DDX10: variants seen among roughly 807,000 people sequenced by gnomAD.
DDX10 encodes the protein probable ATP-dependent RNA helicase DDX10.
Under a neutral mutation model 104.3 loss-of-function variants are expected in DDX10, and 74 were observed. That is an observed-to-expected ratio of 0.71 (90% CI 0.59 to 0.86). DDX10 has a LOEUF of 0.86. DDX10 is among the 40% of genes least tolerant of loss of function. The pLI is 0.00. For missense variants in DDX10, 952 were observed against 1,040.0 expected (o/e 0.92, Z 1.16); for synonymous variants, 351 against 353.4 (o/e 0.99, Z 0.08).
intron 16 of DDX10, among the ~76,000 whole-genome samples, chr11:108,867,922 A>G (rs750234769): frequency 6.6e-6 from 1 of 152,150 alleles, no homozygotes; most frequent in Non-Finnish European, 1.5e-5. Flanking sequence ...ACATCAAGGA[A>G]ATAATAACTT....
At chr11:108,910,773 G>GTC (rs1213475745) in intron 16 of DDX10, among the ~76,000 whole-genome samples, 25 of 134,880 alleles carry the variant, frequency 1.9e-4, no homozygotes, top group Middle Eastern at 3.6e-3. Flanking sequence ...GTGTGTGTGT[G>GTC]TGTGTGTGTG....
At chr11:108,790,171 C>T (rs1861851052) in intron 13 of DDX10, among the ~76,000 whole-genome samples, 2 of 152,102 alleles carry the variant, frequency 1.3e-5, no homozygotes, top group African/African-American at 4.8e-5. Context: ...CATAGATGTC[C>T]GCCCTACTCC....
At chr11:108,801,127 T>C (rs1316018505) in intron 13 of DDX10, among the ~76,000 whole-genome samples, 1 of 152,278 alleles carries the variant, frequency 6.6e-6, no homozygotes, top group East Asian at 1.9e-4. Flanking sequence ...TGCTTTGGAG[T>C]GTTAGAATGG....
chr11:108,798,366 A>G (rs570918737), intron 13 of DDX10, among the ~76,000 whole-genome samples: 10 of 152,352 alleles, frequency 6.6e-5, no homozygotes, highest in Middle Eastern at 3.4e-3. Flanking sequence ...ATATATTCAT[A>G]TTGTTGTACA....
chr11:108,750,964 T>TTA (rs1555021557), intron 13 of DDX10, among the ~76,000 whole-genome samples: 33 of 100,986 alleles, frequency 3.3e-4, no homozygotes, highest in African/African-American at 1.2e-3. Context: ...TTTTTTTTTT[T>TTA]AGAGATGGGC....
chr11:108,921,557 G>C (rs1268070632), intron 17 of DDX10: 1 of 152,192 alleles, frequency 6.6e-6, no homozygotes, highest in East Asian at 1.9e-4. Context: ...TAGTACTCCA[G>C]CCTCTTGGAC....
intron 1 of DDX10, among the ~76,000 whole-genome samples, chr11:108,666,159 G>C (rs767180870): frequency 2.0e-4 from 31 of 152,112 alleles, no homozygotes; most frequent in Non-Finnish European, 3.2e-4. Context: ...CCCCCTTCTA[G>C]TGCAGTACAA....
intron 16 of DDX10, among the ~76,000 whole-genome samples, chr11:108,904,461 T>C (rs1255485228): frequency 6.6e-6 from 1 of 152,206 alleles, no homozygotes; most frequent in Non-Finnish European, 1.5e-5. Context: ...TCATATGCAT[T>C]TGTCAAAACC....
At chr11:108,795,686 G>A (rs1009888546) in intron 13 of DDX10, among the ~76,000 whole-genome samples, 2 of 151,954 alleles carry the variant, frequency 1.3e-5, no homozygotes, top group African/African-American at 4.8e-5. Flanking sequence ...CTTTTTTATG[G>A]CTGCATAGTA....
intron 13 of DDX10, among the ~76,000 whole-genome samples, chr11:108,816,671 G>C (rs1862259932): frequency 6.6e-6 from 1 of 151,482 alleles, no homozygotes; most frequent in Non-Finnish European, 1.5e-5. Flanking sequence ...TCCTGCCTCA[G>C]CCTCCCAAGT....
At chr11:108,746,111 T>C (rs938439296) in intron 13 of DDX10, among the ~76,000 whole-genome samples, 1 of 152,186 alleles carries the variant, frequency 6.6e-6, no homozygotes, top group African/African-American at 2.4e-5. Context: ...CTAATCTATT[T>C]TCTGTCTGTA....
chr11:108,677,294 G>A (rs1264173684), intron 4 of DDX10, 51 bp downstream of exon 4: 1 of 1,524,156 alleles, frequency 6.6e-7, no homozygotes, highest in Admixed American at 1.8e-5. Flanking sequence ...CTATACTGGA[G>A]TACTGTGGCC....
intron 16 of DDX10, among the ~76,000 whole-genome samples, chr11:108,898,752 AC>A (rs1291450516): frequency 2.0e-5 from 3 of 151,990 alleles, no homozygotes; most frequent in Non-Finnish European, 4.4e-5. Flanking sequence ...AGAAATACTT[AC>A]ACTCTTGCTA....
chr11:108,882,062 A>G (rs1454721610), intron 16 of DDX10, among the ~76,000 whole-genome samples: 2 of 152,142 alleles, frequency 1.3e-5, no homozygotes, highest in East Asian at 1.9e-4. Flanking sequence ...TTTACTTCCT[A>G]TTGGAGAAGT....
intron 13 of DDX10, among the ~76,000 whole-genome samples, chr11:108,800,273 TAC>T (rs1221964596): frequency 8.9e-5 from 2 of 22,564 alleles, no homozygotes; most frequent in African/African-American, 1.6e-4. Context: ...TTACTAAAAA[TAC>T]AAAAAAAAAA....
At chr11:108,873,958 A>C (rs1863116492) in intron 16 of DDX10, among the ~76,000 whole-genome samples, 1 of 152,206 alleles carries the variant, frequency 6.6e-6, no homozygotes, top group Non-Finnish European at 1.5e-5. Flanking sequence ...AATTGCAAAG[A>C]GTCTATTTCT....
At chr11:108,782,181 T>G (rs1422354256) in intron 13 of DDX10, among the ~76,000 whole-genome samples, 1 of 152,196 alleles carries the variant, frequency 6.6e-6, no homozygotes, top group Admixed American at 6.5e-5. Context: ...TTGGTTACCT[T>G]AGAAACCATC....
chr11:108,705,248 T>C (rs2094274192), intron 9 of DDX10, among the ~76,000 whole-genome samples: 2 of 152,234 alleles, frequency 1.3e-5, no homozygotes, highest in Non-Finnish European at 1.5e-5. Context: ...TTCATGCCAT[T>C]CTCCTCCTTT....
chr11:108,675,863 A>G (rs1565242490), intron 3 of DDX10, 137 bp downstream of exon 3: 4 of 1,104,214 alleles, frequency 3.6e-6, no homozygotes, highest in South Asian at 3.0e-5. Context: ...TTCATCAAAC[A>G]GGAGCCACAT....
Sources: allele counts gnomAD v4.1 joint callset (sites outside exome capture counted in the v4.1 genomes callset), GRCh38; gene constraint gnomAD v4.1.1; transcripts MANE v1.5; gene names NCBI Gene and HGNC (gene_info 2026-07-23, HGNC 2026-07-21).